PADI3: variants seen among roughly 807,000 people sequenced by gnomAD.
PADI3 encodes the protein protein-arginine deiminase type-3.
In PADI3, 53 loss-of-function variants were observed where a neutral mutation model predicts 71.5. The ratio of observed to expected loss-of-function variants is 0.74; its 90% CI spans 0.59 to 0.93. PADI3 has a LOEUF of 0.93. Ranked by LOEUF, PADI3 falls within the 40% of genes least tolerant of loss-of-function variation. The probability of loss-of-function intolerance (pLI) is 0.00; values close to 1 mark genes in which losing one functional copy is unlikely to be tolerated. For missense variants in PADI3, 821 were observed against 868.0 expected (o/e 0.95, Z 0.68); for synonymous variants, 361 against 347.5 (o/e 1.04, Z -0.43).
At chr1:17,264,875 G>A (rs1031800063) in intron 3 of PADI3, among the ~76,000 whole-genome samples, 1 of 151,976 alleles carries the variant, frequency 6.6e-6, no homozygotes, top group Non-Finnish European at 1.5e-5. Context: ...GTTGGGCATG[G>A]TGGCATGCAC....
intron 3 of PADI3, among the ~76,000 whole-genome samples, 194 bp from the exon 4 acceptor site, chr1:17,265,465 G>A (rs12032104): frequency 6.6e-6 from 1 of 152,002 alleles, no homozygotes; most frequent in Non-Finnish European, 1.5e-5. Context: ...ATTTGTCCTG[G>A]GCCTTTGCTG....
intron 1 of PADI3, among the ~76,000 whole-genome samples, chr1:17,256,485 T>A (rs1557497948): frequency 2.0e-5 from 3 of 152,234 alleles, no homozygotes; most frequent in Admixed American, 1.3e-4. Context: ...TGCTAAGCCC[T>A]TGTTCAGACC....
chr1:17,271,250 C>T (rs3900818), intron 9 of PADI3, 72 bp downstream of exon 9: 133,468 of 1,299,160 alleles, frequency 0.1, 7,088 homozygotes, highest in South Asian at 0.17. Context: ...TTGGGGGCCA[C>T]CGAGAAACAT....
Position 17,276,655 on chromosome 1 carries a change from G to T in PADI3, c.1444G>T (p.Asp482Tyr). Residue 482 changes from aspartate to tyrosine, a missense_variant, in exon 12 of 16, where the codon GAT becomes TAT. Coordinates refer to ENST00000375460, the MANE Select transcript of PADI3 (RefSeq NM_016233.2). ...DEFLSFVPAP[D>Y]GKGFRMLLAS... ...GTTTCTGAGCTTTGTCCCTGCCCCC[G>T]ATGGGAAGGTAAGAACTTCGTGCAT... 1 of 1,614,036 alleles carries T rather than the reference G, an allele frequency of 6.2e-7. No homozygotes were observed. Among genetic ancestry groups the T allele is most frequent in the Non-Finnish European group, 8.5e-7 (1 of 1,179,990 alleles).
rs370060976 is a variant in PADI3, at chr1:17,280,730, C to T, written c.1695C>T (p.Asp565=). ...GGGAGCTGGGCCTGGCAGAGTGTGA[C>T]ATCATTGACATCCCACAGCTCTTCA... ...LKRELGLAEC[D]IIDIPQLFKT... is the part of the protein sequence containing the mutation. Residue 565 remains aspartate, a synonymous_variant, in exon 15 of 16, where the codon GAC becomes GAT. Transcript: ENST00000375460. 4 of 1,614,042 alleles carry T rather than the reference C, an allele frequency of 2.5e-6. No individual in the cohort carries two copies. The African/African-American group carries it at 4.0e-5, about 16-fold the overall frequency.
chr1:17,267,287 C>G (rs1485148646), intron 5 of PADI3, among the ~76,000 whole-genome samples: 1 of 152,224 alleles, frequency 6.6e-6, no homozygotes, highest in African/African-American at 2.4e-5. Context: ...AAATCTGGGC[C>G]TCCTCCTTCA....
Position 17,253,101 on chromosome 1 carries a change from C to T in PADI3, c.92+3872C>T, listed in dbSNP as rs188309569. On this transcript the variant is annotated intron_variant, in intron 1 of 15. Transcript: ENST00000375460. ...TAGAAACTAGGTCTTCCAATTCAAACGAAGGATCTCTGACTATTGGTGAAG... is the reference window on the plus strand; with the variant it reads ...TAGAAACTAGGTCTTCCAATTCAAATGAAGGATCTCTGACTATTGGTGAAG... Among the ~76,000 whole-genome samples the T allele has an allele frequency of 3.4e-3, 517 of 152,306 alleles. 4 individuals are homozygous for T. The highest frequency in any genetic ancestry group is 0.012 in the African/African-American group (493 of 41,558).
At chr1:17,257,772 C>A (rs572495900) in intron 1 of PADI3, among the ~76,000 whole-genome samples, 1 of 152,264 alleles carries the variant, frequency 6.6e-6, no homozygotes, top group South Asian at 2.1e-4. Context: ...GGGGAGTGGC[C>A]AGCTGTGGAA....
intron 1 of PADI3, 114 bp from the exon 2 acceptor site, chr1:17,259,464 G>C: frequency 1.1e-6 from 1 of 872,012 alleles, no homozygotes; most frequent in South Asian, 1.7e-5. Flanking sequence ...GGATCTGAGG[G>C]GACTGGGTGG....
In PADI3 at chr1:17,259,774, G is replaced by A; in HGVS notation, c.273+16G>A. 1 of 1,585,134 alleles carries A rather than the reference G, an allele frequency of 6.3e-7. No individual in the cohort carries two copies. The highest frequency in any genetic ancestry group is 8.6e-7 in the Non-Finnish European group (1 of 1,160,942). Reference sequence around the variant, plus strand: ...CGACAGCCATGTGAGCTGGTCCCTGGTGGGGTGGGGAGAGGTTTCGAGGGA... The same window carrying A: ...CGACAGCCATGTGAGCTGGTCCCTGATGGGGTGGGGAGAGGTTTCGAGGGA... On this transcript the variant is annotated intron_variant, in intron 2 of 15. Coordinates refer to ENST00000375460, the MANE Select transcript of PADI3 (RefSeq NM_016233.2).
At chr1:17,250,777 C>T (rs1569871768) in intron 1 of PADI3, among the ~76,000 whole-genome samples, 1 of 152,230 alleles carries the variant, frequency 6.6e-6, no homozygotes, top group East Asian at 1.9e-4. Flanking sequence ...TCACCTGCCC[C>T]TGCTGCCTCG....
chr1:17,280,401 A>G lies in PADI3; in HGVS notation c.1607A>G (p.Asp536Gly). 2 of 1,613,918 alleles carry G rather than the reference A, an allele frequency of 1.2e-6. No homozygotes were observed. The highest frequency in any genetic ancestry group is 1.7e-4 in the Middle Eastern group (1 of 6,058). ...ATCAACCAGGTGCTCTCCAATAAAGACCTCATCAACTACAATAAGTTTGTG... is the reference window on the plus strand; with the variant it reads ...ATCAACCAGGTGCTCTCCAATAAAGGCCTCATCAACTACAATAAGTTTGTG... Reference protein sequence around the residue: ...ISINQVLSNKDLINYNKFVQS... With the variant: ...ISINQVLSNKGLINYNKFVQS... Residue 536 changes from aspartate to glycine, a missense_variant, in exon 14 of 16, where the codon GAC becomes GGC. By Grantham distance (94) the Asp-to-Gly change is moderately conservative. Coordinates refer to ENST00000375460, the MANE Select transcript of PADI3 (RefSeq NM_016233.2).
chr1:17,277,549 C>T (rs149955725), intron 13 of PADI3, among the ~76,000 whole-genome samples: 2,427 of 152,310 alleles, frequency 0.016, 28 homozygotes, highest in Middle Eastern at 0.027. Flanking sequence ...GGAGCATCTA[C>T]GGGGCTTGGA....
chr1:17,253,760 T>G (rs1331419173), intron 1 of PADI3, among the ~76,000 whole-genome samples: 1 of 152,156 alleles, frequency 6.6e-6, no homozygotes, highest in Non-Finnish European at 1.5e-5. Context: ...TGTCACCCCT[T>G]TCTCTGCAGA....
chr1:17,276,569 A>G lies in PADI3; in HGVS notation c.1358A>G (p.Gln453Arg). 1 of 1,614,158 alleles carries G rather than the reference A, an allele frequency of 6.2e-7. No individual in the cohort carries two copies. Among genetic ancestry groups the G allele is most frequent in the African/African-American group, 1.3e-5 (1 of 75,032 alleles). The part of the protein sequence containing the change: ...TQVVRDFLHA[Q>R]KVQPPVELFV... ...GTGGTGCGGGACTTCCTCCATGCCC[A>G]GAAGGTGCAGCCCCCCGTGGAGCTC... The change falls in exon 12 of 16, where the codon CAG becomes CGG. Residue 453 changes from glutamine to arginine, a missense_variant. Coordinates refer to ENST00000375460, the MANE Select transcript of PADI3 (RefSeq NM_016233.2).
intron 2 of PADI3, among the ~76,000 whole-genome samples, chr1:17,261,652 C>G (rs1434276347): frequency 6.6e-6 from 1 of 152,212 alleles, no homozygotes; most frequent in Non-Finnish European, 1.5e-5. Flanking sequence ...GAGGTAGAGA[C>G]CTATAGAGGT....
At position 17,262,163 on chromosome 1, in the gene PADI3, C is replaced by CCT. The variant is rs2073110479; in HGVS notation, c.307_308dup (p.Pro104CysfsTer21). ...GATTTCCTACCACTCCAGCCATGAG[C>CCT]CTCTGCCCCTGGCCTATGCGGTGCT... On this transcript the variant is annotated frameshift_variant, in exon 3 of 16. Transcript: ENST00000375460. LOFTEE classifies it high-confidence loss of function. 9 of 1,613,528 alleles carry CCT rather than the reference C, an allele frequency of 5.6e-6. No homozygotes were observed. Among genetic ancestry groups the CCT allele is most frequent in the Non-Finnish European group, 7.6e-6 (9 of 1,179,866 alleles).
At chr1:17,269,826 C>T (rs2073222203) in intron 6 of PADI3, among the ~76,000 whole-genome samples, 1 of 152,068 alleles carries the variant, frequency 6.6e-6, no homozygotes, top group South Asian at 2.1e-4. Context: ...ACTATGTTAG[C>T]CAGGCTGGTC....
intron 1 of PADI3, among the ~76,000 whole-genome samples, chr1:17,258,415 A>C (rs1052157109): frequency 3.3e-5 from 5 of 152,262 alleles, no homozygotes; most frequent in Non-Finnish European, 7.3e-5. Flanking sequence ...CCACAGTCAA[A>C]GGATGCATAG....
Sources: gnomAD v4.1 joint callset for allele counts (sites outside exome capture counted in the v4.1 genomes callset) on GRCh38, gnomAD v4.1.1 for gene constraint, MANE v1.5 for transcripts, NCBI Gene and HGNC (gene_info 2026-07-23, HGNC 2026-07-21) for gene names.